The following SLC35D1 variants were observed in gnomAD, a reference collection of about 807,000 sequenced individuals.
The protein encoded by SLC35D1 is solute carrier family 35 member D1, also known as nucleotide sugar transporter SLC35D1.
A neutral mutation model predicts 46.7 loss-of-function variants in SLC35D1; 31 were observed. The ratio of observed to expected loss-of-function variants is 0.66; its 90% CI spans 0.50 to 0.90. SLC35D1 has a LOEUF of 0.90. SLC35D1 is among the 40% of genes least tolerant of loss of function. The pLI, the probability that SLC35D1 is intolerant of heterozygous loss-of-function variation, is 0.00. For missense variants in SLC35D1, 397 were observed against 426.2 expected, an observed-to-expected ratio of 0.93 and a Z score of 0.60; for synonymous variants, 195 against 164.6, an observed-to-expected ratio of 1.18 and a Z score of -1.41.
chr1:67,034,381 T>C (rs983608571), intron 8 of SLC35D1, among the ~76,000 whole-genome samples: 1 of 152,222 alleles, frequency 6.6e-6, no homozygotes, highest in African/African-American at 2.4e-5. Context: ...CAGTGTTTTA[T>C]GGCTTTCACT....
At chr1:66,998,000 A>G (rs1370674536), downstream of SLC35D1, among the ~76,000 whole-genome samples, 1 of 152,020 alleles carries the variant, frequency 6.6e-6, no homozygotes, top group African/African-American at 2.4e-5. Context: ...CACATCCATT[A>G]GGACGGCTAC....
intron 10 of SLC35D1, 152 bp from the exon 11 acceptor site, chr1:67,009,319 G>T: frequency 2.7e-6 from 1 of 373,208 alleles, no homozygotes; most frequent in South Asian, 4.7e-5. Flanking sequence ...AATAGTATAA[G>T]GAAGAACACT....
At chr1:67,048,670 T>A (rs1645275855) in intron 6 of SLC35D1, among the ~76,000 whole-genome samples, 1 of 152,198 alleles carries the variant, frequency 6.6e-6, no homozygotes, top group Non-Finnish European at 1.5e-5. Flanking sequence ...GGAAAACATA[T>A]GTCTGGCAGA....
chr1:67,034,517 C>A (rs1246710816), intron 8 of SLC35D1, among the ~76,000 whole-genome samples: 1 of 152,092 alleles, frequency 6.6e-6, no homozygotes, highest in Non-Finnish European at 1.5e-5. Flanking sequence ...TATGGAAATG[C>A]CACTGATTTT....
chr1:67,042,834 C>A (rs1425533501), intron 7 of SLC35D1, among the ~76,000 whole-genome samples: 2 of 152,094 alleles, frequency 1.3e-5, no homozygotes, highest in African/African-American at 4.8e-5. Flanking sequence ...GAGGCTGAGG[C>A]GGACAGATTG....
At chr1:66,977,833 T>TA in the SLC35D1 span, among the ~76,000 whole-genome samples, 23 of 151,506 alleles carry the variant, frequency 1.5e-4, no homozygotes, top group African/African-American at 4.1e-4. Context: ...AAAATAAAAA[T>TA]AAAAAAAAAT....
intron 8 of SLC35D1, among the ~76,000 whole-genome samples, chr1:67,033,639 G>A (rs980996913): frequency 6.6e-6 from 1 of 151,980 alleles, no homozygotes; most frequent in African/African-American, 2.4e-5. Flanking sequence ...CCCATTCTGT[G>A]GGTTGTCTCT....
the SLC35D1 span, chr1:66,973,007 C>T: frequency 2.8e-5 from 40 of 1,443,826 alleles, no homozygotes; most frequent in Non-Finnish European, 3.7e-5. Flanking sequence ...TAATGATAAT[C>T]TCTTTTTTGC....
intron 8 of SLC35D1, among the ~76,000 whole-genome samples, chr1:67,035,936 A>T (rs1334988808): frequency 6.6e-6 from 1 of 151,316 alleles, no homozygotes; most frequent in Non-Finnish European, 1.5e-5. Flanking sequence ...TTCCATCTTA[A>T]TTTCTTCATT....
At chr1:67,050,348 C>G (rs955525302) in intron 5 of SLC35D1, 85 bp downstream of exon 5, 13 of 1,046,718 alleles carry the variant, frequency 1.2e-5, no homozygotes, top group Non-Finnish European at 1.9e-5. Flanking sequence ...AAGGTAGGAA[C>G]AAGACAAATA....
chr1:67,047,432 T>C (rs894952437), intron 6 of SLC35D1, 65 bp from the exon 7 acceptor site: 3 of 1,275,738 alleles, frequency 2.4e-6, no homozygotes, highest in African/African-American at 2.9e-5. Flanking sequence ...TAAATAGATA[T>C]AAGCTAAAAT....
Position 67,002,934 on chromosome 1 carries a change from C to T in SLC35D1, c.*1406G>A, listed in dbSNP as rs1437681950. 1 of 152,308 alleles carries T rather than the reference C, an allele frequency of 6.6e-6. No homozygotes were observed. Among genetic ancestry groups the T allele is most frequent in the East Asian group, 1.9e-4 (1 of 5,334 alleles). The allele number at this position is 152,308 out of a possible 1,614,324, so 9.4% of individuals were successfully genotyped here. On this transcript the variant is annotated 3_prime_UTR_variant, in exon 12 of 12. Transcript: ENST00000235345. ...TAGGGTTATGTTTGAGTTAACACCT[C>T]CACCCTCCAGATTACCCCAAGAGGC... is the stretch of plus-strand genomic sequence containing the variant.
chr1:67,015,919 C>A (rs918199146), intron 10 of SLC35D1, among the ~76,000 whole-genome samples: 4 of 152,010 alleles, frequency 2.6e-5, no homozygotes, highest in African/African-American at 9.7e-5. Flanking sequence ...TAGTGGCCTG[C>A]AATCCTGTTT....
intron 8 of SLC35D1, 150 bp from the exon 9 acceptor site, chr1:67,021,752 C>T (rs1323559474): frequency 8.5e-6 from 6 of 703,156 alleles, no homozygotes; most frequent in South Asian, 1.6e-5. Flanking sequence ...CACACACACA[C>T]ACACACAGGT....
chr1:67,049,654 G>T, intron 6 of SLC35D1, 128 bp downstream of exon 6: 1 of 846,132 alleles, frequency 1.2e-6, no homozygotes, highest in Non-Finnish European at 1.9e-6. Context: ...CTTTTCAAGA[G>T]TCTTCTAGAT....
intron 10 of SLC35D1, among the ~76,000 whole-genome samples, chr1:67,018,445 G>A (rs181651775): frequency 6.6e-6 from 1 of 152,066 alleles, no homozygotes; most frequent in Non-Finnish European, 1.5e-5. Context: ...CCTAAGCAAG[G>A]CTGGCTATCA....
intron 5 of SLC35D1, among the ~76,000 whole-genome samples, chr1:67,050,191 G>C (rs187211345): frequency 1.2e-3 from 190 of 152,028 alleles, no homozygotes; most frequent in African/African-American, 4.3e-3. Context: ...AGCTTCTCCC[G>C]GTGGCAGTAG....
In SLC35D1 at chr1:66,999,567, T is replaced by A. The variant is rs1428345880; in HGVS notation, c.*4773A>T. 6.6e-6 allele frequency: 1 copy of A among 152,208 alleles called. No homozygotes were observed. Among genetic ancestry groups the A allele is most frequent in the Non-Finnish European group, 1.5e-5 (1 of 68,012 alleles). 9.4% of individuals were successfully genotyped at this position (152,208 alleles called of 1,614,324 possible). A position where few individuals can be genotyped will look rare whatever the true frequency, so the allele number is the denominator to read the frequency against. ...CTAACACCTGTAGACAAAAATCAGT[T>A]GATCATCAGCATGAGAAAGAAAACA... On this transcript the variant is annotated 3_prime_UTR_variant, in exon 12 of 12. Transcript: ENST00000235345.
chr1:67,024,804 C>T (rs949429658), intron 8 of SLC35D1, among the ~76,000 whole-genome samples: 5 of 152,004 alleles, frequency 3.3e-5, no homozygotes, highest in African/African-American at 7.3e-5. Flanking sequence ...AGTACAGTGG[C>T]GTGATCATGG....
Sources: allele counts gnomAD v4.1 joint callset (sites outside exome capture counted in the v4.1 genomes callset), GRCh38; gene constraint gnomAD v4.1.1; transcripts MANE v1.5; gene names NCBI Gene and HGNC (gene_info 2026-07-23, HGNC 2026-07-21).